Variants in RBFOX1 observed in about 807,000 individuals in gnomAD.
RBFOX1 encodes RNA binding fox-1 homolog 1, also known as RNA binding protein fox-1 homolog 1.
In RBFOX1, 8 loss-of-function variants were observed where a neutral mutation model predicts 57.7. The observed-to-expected ratio is 0.14, with a 90% CI of 0.08 to 0.25. The LOEUF is 0.25. RBFOX1 is among the 10% of genes least tolerant of loss of function. The pLI, the probability that RBFOX1 is intolerant of heterozygous loss-of-function variation, is 1.00. For missense variants in RBFOX1, 611 were observed against 548.5 expected, an observed-to-expected ratio of 1.11 and a Z score of -1.14; for synonymous variants, 326 against 222.4, an observed-to-expected ratio of 1.47 and a Z score of -4.15.
intron 3 of RBFOX1, among the ~76,000 whole-genome samples, chr16:5,787,198 A>C (rs958991839): frequency 2.0e-5 from 3 of 151,932 alleles, no homozygotes; most frequent in Non-Finnish European, 2.9e-5. Flanking sequence ...CTTTGTAATG[A>C]CTCCACAGGG....
intron 4 of RBFOX1, among the ~76,000 whole-genome samples, chr16:7,282,480 T>A (rs541588290): frequency 6.6e-6 from 1 of 152,188 alleles, no homozygotes; most frequent in South Asian, 2.1e-4. Flanking sequence ...TTAGAAGTTA[T>A]CAGGTGGATT....
chr16:7,434,843 G>A (rs913806017), intron 4 of RBFOX1, among the ~76,000 whole-genome samples: 4 of 151,742 alleles, frequency 2.6e-5, no homozygotes, highest in African/African-American at 9.7e-5. Context: ...AGACTCAAGT[G>A]ATTCTCTAGC....
At chr16:6,570,542 T>C (rs1334934379) in intron 2 of RBFOX1, among the ~76,000 whole-genome samples, 1 of 152,212 alleles carries the variant, frequency 6.6e-6, no homozygotes, top group Non-Finnish European at 1.5e-5. Context: ...ATATAATTTA[T>C]ACATGTATGC....
chr16:5,270,602 A>G, intron 1 of RBFOX1: 1 of 580,776 alleles, frequency 1.7e-6, no homozygotes, highest in Admixed American at 2.2e-5. Flanking sequence ...TGGTTTTACC[A>G]AAAAACGCAA....
At chr16:6,216,968 C>T (rs2097339657) in intron 1 of RBFOX1, among the ~76,000 whole-genome samples, 1 of 152,076 alleles carries the variant, frequency 6.6e-6, no homozygotes. Context: ...CTTTTGCCCA[C>T]TTAAACTGAA....
intron 4 of RBFOX1, among the ~76,000 whole-genome samples, chr16:7,322,995 G>C (rs909712149): frequency 2.0e-5 from 3 of 152,112 alleles, no homozygotes; most frequent in South Asian, 2.1e-4. Flanking sequence ...CTCTTCTCCA[G>C]CCATCAAAGT....
At chr16:6,378,777 A>T (rs960371414) in intron 2 of RBFOX1, among the ~76,000 whole-genome samples, 1 of 152,034 alleles carries the variant, frequency 6.6e-6, no homozygotes, top group Non-Finnish European at 1.5e-5. Flanking sequence ...CCTCATTGCT[A>T]TTATCTTCAT....
rs527771119 is a variant in RBFOX1, at chr16:6,232,977, G to A, written c.-126-84018G>A. ...AACTCTCAATATGGGCAGGGTAGCC[G>A]TACTGTGTAAACCCATGGAGCGCCA... On this transcript the variant is annotated intron_variant, in intron 1 of 15. Transcript: ENST00000550418. Among the ~76,000 whole-genome samples the A allele has an allele frequency of 3.5e-4, 54 of 152,246 alleles. No individual in the cohort carries two copies. In the South Asian group the frequency reaches 0.011, roughly 30 times the overall value.
chr16:5,888,163 G>A lies in RBFOX1; in HGVS notation c.351+20828G>A, dbSNP rs140494329. ...GTGACTTTCTCAGCCACTGTGGTGT[G>A]CCAGGTTCCTCCTGCCCCAGCGCCT... On this transcript the variant is annotated intron_variant, in intron 4 of 19. Transcript: ENST00000641259. Among the ~76,000 whole-genome samples the A allele has an allele frequency of 1.5e-3, 232 of 152,192 alleles. 2 individuals are homozygous for A. Among genetic ancestry groups the A allele is most frequent in the African/African-American group, 5.4e-3 (223 of 41,538 alleles).
chr16:5,440,243 G>A (rs912746943), intron 1 of RBFOX1, among the ~76,000 whole-genome samples: 2 of 152,150 alleles, frequency 1.3e-5, no homozygotes, highest in African/African-American at 4.8e-5. Context: ...AGGATCTTTG[G>A]TTCTTTAGAT....
chr16:7,507,805 C>T (rs1047403022), intron 4 of RBFOX1, among the ~76,000 whole-genome samples: 7 of 151,910 alleles, frequency 4.6e-5, no homozygotes, highest in African/African-American at 1.7e-4. Flanking sequence ...CGTCGTGATC[C>T]GCCCGCCTCG....
chr16:7,659,003 G>A (rs1258294772), intron 12 of RBFOX1, among the ~76,000 whole-genome samples: 1 of 152,198 alleles, frequency 6.6e-6, no homozygotes, highest in Non-Finnish European at 1.5e-5. Context: ...GGGATTACAG[G>A]CATGTGCCAC....
intron 1 of RBFOX1, among the ~76,000 whole-genome samples, chr16:5,384,268 A>C (rs1281410176): frequency 6.6e-6 from 1 of 152,222 alleles, no homozygotes; most frequent in Non-Finnish European, 1.5e-5. Context: ...GAAAGTGGGA[A>C]GGAAAGTCAA....
rs112550871 is a variant in RBFOX1 at position 6,216,001 on chromosome 16, C to T, written c.-126-100994C>T. On this transcript the variant is annotated intron_variant, in intron 1 of 15. Transcript: ENST00000550418. ...GCAGGGACATGGATGGAGCTGGAGT[C>T]CATTGTCCTTAGCAAACTAACACAG... Among the ~76,000 whole-genome samples, 529 of 152,206 alleles carry T rather than the reference C, an allele frequency of 3.5e-3. 2 individuals are homozygous for T. Among genetic ancestry groups the T allele is most frequent in the African/African-American group, 0.012 (491 of 41,516 alleles).
chr16:6,353,967 C>G (rs2152852481), intron 2 of RBFOX1, among the ~76,000 whole-genome samples: 1 of 152,238 alleles, frequency 6.6e-6, no homozygotes, highest in East Asian at 1.9e-4. Context: ...CGCCTGTAGT[C>G]CCAGTACTTT....
At chr16:6,693,322 T>C (rs962723762) in intron 3 of RBFOX1, among the ~76,000 whole-genome samples, 2 of 150,104 alleles carry the variant, frequency 1.3e-5, no homozygotes, top group Non-Finnish European at 3.0e-5. Flanking sequence ...AACACCACCA[T>C]CATCACCATC....
At chr16:7,589,901 T>C (rs987709914) in intron 7 of RBFOX1, among the ~76,000 whole-genome samples, 4 of 106,680 alleles carry the variant, frequency 3.7e-5, no homozygotes, top group African/African-American at 1.2e-4. Flanking sequence ...TGCTGAAGGC[T>C]GTGTGTGCTG....
At chr16:5,806,759 T>A (rs976393510) in intron 3 of RBFOX1, among the ~76,000 whole-genome samples, 1 of 152,132 alleles carries the variant, frequency 6.6e-6, no homozygotes, top group Non-Finnish European at 1.5e-5. Context: ...GGGATAAGCT[T>A]CCCTAATTAG....
At chr16:5,994,527 A>T (rs1236383019) in intron 4 of RBFOX1, among the ~76,000 whole-genome samples, 1 of 152,202 alleles carries the variant, frequency 6.6e-6, no homozygotes, top group Non-Finnish European at 1.5e-5. Flanking sequence ...CAATTTTAGC[A>T]GCAGATTTCT....
Sources: gnomAD v4.1 joint callset for allele counts (sites outside exome capture counted in the v4.1 genomes callset) on GRCh38, gnomAD v4.1.1 for gene constraint, MANE v1.5 for transcripts, NCBI Gene and HGNC (gene_info 2026-07-23, HGNC 2026-07-21) for gene names.